Variants in KCNIP4 observed in about 807,000 individuals in gnomAD.
KCNIP4 encodes Kv channel-interacting protein 4.
In KCNIP4, 12 loss-of-function variants were observed where a neutral mutation model predicts 34.0. The ratio of observed to expected loss-of-function variants is 0.35; its 90% confidence interval spans 0.23 to 0.57. KCNIP4 has a LOEUF of 0.57. KCNIP4 is among the 20% of genes least tolerant of loss of function. The pLI is 0.83. For missense variants in KCNIP4, 238 were observed against 311.7 expected (o/e 0.76, Z 1.78); for synonymous variants, 124 against 102.2 (o/e 1.21, Z -1.29).
intron 1 of KCNIP4, among the ~76,000 whole-genome samples, chr4:21,132,950 T>C (rs1426433828): frequency 1.3e-5 from 2 of 150,830 alleles, no homozygotes; most frequent in Non-Finnish European, 2.9e-5. Flanking sequence ...GAGGCAGAAG[T>C]TGCAGTCAGC....
At chr4:20,734,107 T>G (rs1360880211) in intron 6 of KCNIP4, among the ~76,000 whole-genome samples, 1 of 152,178 alleles carries the variant, frequency 6.6e-6, no homozygotes, top group African/African-American at 2.4e-5. Context: ...ATCCCTTTCT[T>G]TACTTCTCGC....
At chr4:21,100,768 C>T (rs1333227225) in intron 1 of KCNIP4, among the ~76,000 whole-genome samples, 2 of 152,008 alleles carry the variant, frequency 1.3e-5, no homozygotes, top group African/African-American at 2.4e-5. Flanking sequence ...AATACTATTG[C>T]ATATTTAATA....
rs548214856 is a variant in KCNIP4 at position 21,311,117 on chromosome 4, A to G, written c.62-428408T>C. Among the ~76,000 whole-genome samples, 4 of 152,292 alleles carry G rather than the reference A, an allele frequency of 2.6e-5. No individual in the cohort carries two copies. In the East Asian group the frequency reaches 7.7e-4, roughly 29 times the overall value. ...TTAGAACAGAGACTGTCACTGTGTA[A>G]ATGCTCAATAAATAGTAGCTGTTAT... On this transcript the variant is annotated intron_variant, in intron 1 of 8. Coordinates refer to ENST00000382152, the MANE Select transcript of KCNIP4 (RefSeq NM_025221.6).
Position 20,968,030 on chromosome 4 carries a change from A to T in KCNIP4, c.62-85321T>A, listed in dbSNP as rs373256322. 2.1e-4 allele frequency among the ~76,000 whole-genome samples: 32 copies of T among 152,322 alleles called. No individual in the cohort carries two copies. In the South Asian group the frequency reaches 2.9e-3, roughly 14 times the overall value. ...GGGAGAAAATTTTTGCAATCTACCC[A>T]TCTGACAAAGGGCTAATATCCAGAA... is the stretch of plus-strand genomic sequence containing the variant. On this transcript the variant is annotated intron_variant, in intron 1 of 8. Transcript: ENST00000382152.
rs1747376134 is a variant in KCNIP4 at position 20,729,612 on chromosome 4, ATGGAAT to A, written c.*464_*469del. On this transcript the variant is annotated 3_prime_UTR_variant, in exon 9 of 9. Transcript: ENST00000382152. ...AATCTTGTTTCCTTAAAGTATATAA[ATGGAAT>A]TTAAATGGAATTACAGCATTCAAAC... is the stretch of plus-strand genomic sequence containing the variant. 1 of 69,570 alleles carries A rather than the reference ATGGAAT, an allele frequency of 1.4e-5. No individual in the cohort carries two copies. The highest frequency in any genetic ancestry group is 3.1e-5 in the Non-Finnish European group (1 of 32,624). The allele number at this position is 69,570 out of a possible 1,614,324, so 4.3% of individuals were successfully genotyped here. A position where few individuals can be genotyped will look rare whatever the true frequency, so the allele number is the denominator to read the frequency against.
rs114942582 is a variant in KCNIP4 at position 21,927,521 on chromosome 4, G to A, written c.61+21050C>T. Among the ~76,000 whole-genome samples, 1,209 of 152,250 alleles carry A rather than the reference G, an allele frequency of 7.9e-3. 4 individuals are homozygous for A. Among genetic ancestry groups the A allele is most frequent in the Non-Finnish European group, 0.013 (898 of 68,004 alleles). ...GCAGAGGAGGCCTAGAAATTAGAGC[G>A]CAAAAGTGAGAGCTCCTGGAGACCT... On this transcript the variant is annotated intron_variant, in intron 1 of 8. Transcript: ENST00000382152.
chr4:21,387,634 C>G (rs1194528562), intron 1 of KCNIP4, among the ~76,000 whole-genome samples: 1 of 152,096 alleles, frequency 6.6e-6, no homozygotes, highest in Non-Finnish European at 1.5e-5. Context: ...CAATATGAAT[C>G]CTTTCTTGAA....
At chr4:21,417,426 A>G (rs1230295696) in intron 1 of KCNIP4, among the ~76,000 whole-genome samples, 1 of 152,138 alleles carries the variant, frequency 6.6e-6, no homozygotes, top group Admixed American at 6.6e-5. Flanking sequence ...AAACATCAAG[A>G]GGAAAATCTG....
rs137945354 is a variant in KCNIP4, at chr4:21,498,246, G to A, written c.61+450325C>T. Among the ~76,000 whole-genome samples the A allele has an allele frequency of 4.4e-3, 664 of 151,982 alleles. 1 individual carries two copies. Among genetic ancestry groups the A allele is most frequent in the Non-Finnish European group, 6.4e-3 (435 of 67,952 alleles). On this transcript the variant is annotated intron_variant, in intron 1 of 8. Coordinates refer to ENST00000382152, the MANE Select transcript of KCNIP4 (RefSeq NM_025221.6). Reference sequence around the variant, plus strand: ...TTGAATTAACTGAGAAAAAATTTTCGTTACCCACCAAGAAACTTTTTTCTT... The same window carrying A: ...TTGAATTAACTGAGAAAAAATTTTCATTACCCACCAAGAAACTTTTTTCTT...
chr4:20,879,382 T>C (rs1724431691), intron 2 of KCNIP4, among the ~76,000 whole-genome samples: 1 of 152,192 alleles, frequency 6.6e-6, no homozygotes, highest in South Asian at 2.1e-4. Context: ...ACCTCCTGTC[T>C]TGAAGCCATG....
At chr4:21,171,294 G>C (rs1754005144) in intron 1 of KCNIP4, among the ~76,000 whole-genome samples, 1 of 152,154 alleles carries the variant, frequency 6.6e-6, no homozygotes, top group African/African-American at 2.4e-5. Flanking sequence ...CTGTTGACAA[G>C]CTGCTAGACA....
chr4:20,734,620 T>G lies in KCNIP4; in HGVS notation c.537+8A>C. 1.6e-6 allele frequency: 2 copies of G among 1,273,122 alleles called. No individual in the cohort carries two copies. Among genetic ancestry groups the G allele is most frequent in the Non-Finnish European group, 1.1e-6 (1 of 912,404 alleles). 78.9% of individuals were successfully genotyped at this position (1,273,122 alleles called of 1,614,324 possible). Reference sequence around the variant, plus strand: ...AAATTACTGTGATGTTGGTGAGGCATCCCTTACCTCTTTAGTGATGTAGCC... The same window carrying G: ...AAATTACTGTGATGTTGGTGAGGCAGCCCTTACCTCTTTAGTGATGTAGCC... On this transcript the variant is annotated splice_region_variant and intron_variant, in intron 6 of 8. Coordinates refer to ENST00000382152, the MANE Select transcript of KCNIP4 (RefSeq NM_025221.6).
At chr4:20,874,684 T>C (rs900263864) in intron 2 of KCNIP4, among the ~76,000 whole-genome samples, 6 of 105,184 alleles carry the variant, frequency 5.7e-5, no homozygotes, top group African/African-American at 1.6e-4. Flanking sequence ...ACTTCATCTC[T>C]TTTTTTTTTT....
chr4:21,672,726 T>C (rs988043399), intron 1 of KCNIP4, among the ~76,000 whole-genome samples: 2 of 152,206 alleles, frequency 1.3e-5, no homozygotes, highest in African/African-American at 4.8e-5. Context: ...AGTTGGCATA[T>C]TAAAACAGCA....
chr4:21,655,601 T>C (rs933226279), intron 1 of KCNIP4, among the ~76,000 whole-genome samples: 11 of 152,198 alleles, frequency 7.2e-5, no homozygotes, highest in African/African-American at 1.2e-4. Context: ...GATGAGAATA[T>C]TGACATCACA....
intron 1 of KCNIP4, among the ~76,000 whole-genome samples, chr4:21,622,282 AG>A (rs1484197217): frequency 6.6e-6 from 1 of 152,126 alleles, no homozygotes. Flanking sequence ...CTCTGGGACA[AG>A]AAAAAACGGG....
intron 1 of KCNIP4, among the ~76,000 whole-genome samples, chr4:21,512,184 C>T (rs200878021): frequency 5.9e-5 from 8 of 136,594 alleles, no homozygotes; most frequent in Non-Finnish European, 9.3e-5. Context: ...AAGGAAGGAA[C>T]GAACGAAGGA....
Position 21,606,718 on chromosome 4 carries a change from C to T in KCNIP4, c.61+341853G>A, listed in dbSNP as rs189843570. On this transcript the variant is annotated intron_variant, in intron 1 of 8. Transcript: ENST00000382152. ...AATCGATTCTCCTGCCTCAGCCTCC[C>T]GAGTAGCTGGGATAACAGGAGCGCA... Among the ~76,000 whole-genome samples, 24 of 152,174 alleles carry T rather than the reference C, an allele frequency of 1.6e-4. No homozygotes were observed. The East Asian group carries it at 3.1e-3, about 20-fold the overall frequency.
intron 1 of KCNIP4, among the ~76,000 whole-genome samples, chr4:21,453,441 G>A (rs952012059): frequency 3.3e-5 from 5 of 151,956 alleles, no homozygotes; most frequent in Admixed American, 2.0e-4. Context: ...ACAATTTGGC[G>A]ATGTCTCTGC....
Sources: allele counts gnomAD v4.1 joint callset (sites outside exome capture counted in the v4.1 genomes callset), GRCh38; gene constraint gnomAD v4.1.1; transcripts MANE v1.5; gene names NCBI Gene and HGNC (gene_info 2026-07-23, HGNC 2026-07-21).